CENPU: variants seen among roughly 807,000 people sequenced by gnomAD.
CENPU encodes KSHV latent nuclear antigen interacting protein 1.
In CENPU, 46 loss-of-function variants were observed where a neutral mutation model predicts 56.7. The ratio of observed to expected loss-of-function variants is 0.81; its 90% confidence interval spans 0.64 to 1.04. The LOEUF is 1.04. Ranked by LOEUF, CENPU falls within the 50% of genes least tolerant of loss-of-function variation. CENPU has a pLI of 0.00. For synonymous variants in CENPU, 166 were observed against 163.0 expected (o/e 1.02, Z -0.14); for missense variants, 510 against 490.1 (o/e 1.04, Z -0.38).
chr4:184,699,821 C>T (rs769030470), intron 11 of CENPU, among the ~76,000 whole-genome samples: 33 of 152,078 alleles, frequency 2.2e-4, no homozygotes, highest in African/African-American at 6.5e-4. Flanking sequence ...CCACCACACC[C>T]GGCTAATTTT....
At chr4:184,699,260 G>A (rs1451549101) in intron 11 of CENPU, among the ~76,000 whole-genome samples, 2 of 152,104 alleles carry the variant, frequency 1.3e-5, no homozygotes, top group African/African-American at 4.8e-5. Context: ...AACCCGGGAG[G>A]CGGAGCTTGC....
At chr4:184,696,369 T>G (rs1760309275) in intron 12 of CENPU, among the ~76,000 whole-genome samples, 1 of 152,126 alleles carries the variant, frequency 6.6e-6, no homozygotes, top group African/African-American at 2.4e-5. Flanking sequence ...GGCATTGAGC[T>G]CACTCTAAGA....
At chr4:184,720,385 T>G (rs1182895600) in intron 4 of CENPU, among the ~76,000 whole-genome samples, 1 of 151,664 alleles carries the variant, frequency 6.6e-6, no homozygotes, top group African/African-American at 2.4e-5. Flanking sequence ...GCCTACAGGG[T>G]CTAGAAAAAA....
intron 4 of CENPU, among the ~76,000 whole-genome samples, chr4:184,718,341 T>C (rs974690939): frequency 1.3e-5 from 2 of 152,224 alleles, no homozygotes; most frequent in Non-Finnish European, 2.9e-5. Context: ...CTCTGCCCAA[T>C]CCTGCTTCTT....
intron 6 of CENPU, among the ~76,000 whole-genome samples, chr4:184,715,254 T>A (rs932840684): frequency 6.6e-6 from 1 of 152,188 alleles, no homozygotes; most frequent in African/African-American, 2.4e-5. Context: ...CCAAATGAAT[T>A]AATCACATAT....
At chr4:184,730,795 AAC>A (rs1452298119) in intron 2 of CENPU, 123 bp downstream of exon 2, 2 of 614,592 alleles carry the variant, frequency 3.3e-6, no homozygotes, top group African/African-American at 3.9e-5. Context: ...GAGGAAAATG[AAC>A]ACACTTTTTC....
chr4:184,712,035 C>T (rs1288034928), intron 7 of CENPU, among the ~76,000 whole-genome samples: 3 of 148,758 alleles, frequency 2.0e-5, no homozygotes, highest in Admixed American at 1.4e-4. Flanking sequence ...GCAGGCGATT[C>T]GCTTGAACCT....
chr4:184,733,958 G>T, intron 1 of CENPU, 58 bp downstream of exon 1: 1 of 1,606,516 alleles, frequency 6.2e-7, no homozygotes, highest in Non-Finnish European at 8.5e-7. Context: ...CACGGCAGGC[G>T]AGGAAGCAGT....
rs772787146 is a variant in CENPU, at chr4:184,710,194, ATAAGT to A, written c.689-19_689-15del. The A allele has an allele frequency of 2.6e-5, 40 of 1,525,392 alleles. No homozygotes were observed. Among genetic ancestry groups the A allele is most frequent in the African/African-American group, 6.9e-5 (5 of 72,890 alleles). The allele number at this position is 1,525,392 out of a possible 1,614,324, so 94.5% of individuals were successfully genotyped here. The stretch of plus-strand genomic sequence containing the variant: ...TGTCAGAAGTATCTAAAATATTAAG[ATAAGT>A]TAACATGCTGGTTATTCATATTTTG... On this transcript the variant is annotated splice_polypyrimidine_tract_variant and intron_variant, in intron 7 of 12. Transcript: ENST00000281453.
intron 1 of CENPU, among the ~76,000 whole-genome samples, chr4:184,733,795 TCCCA>T (rs963895430): frequency 4.6e-5 from 7 of 152,158 alleles, no homozygotes; most frequent in African/African-American, 1.7e-4. Flanking sequence ...CTGACGTCTC[TCCCA>T]CCCGCCAGGC....
rs1760215788 is a variant in CENPU at position 184,695,219 on chromosome 4, G to C, written c.*69C>G. ...CTTTGCAAAACAATTGATTTATAAA[G>C]GTACAGTTTCAGAAGGTAACAGCAT... On this transcript the variant is annotated 3_prime_UTR_variant, in exon 13 of 13. Transcript: ENST00000281453. 1 of 1,012,320 alleles carries C rather than the reference G, an allele frequency of 9.9e-7. No homozygotes were observed. Among genetic ancestry groups the C allele is most frequent in the Non-Finnish European group, 1.5e-6 (1 of 646,414 alleles). The allele number at this position is 1,012,320 out of a possible 1,614,324, so 62.7% of individuals were successfully genotyped here.
chr4:184,716,114 T>A (rs958529590), intron 6 of CENPU, among the ~76,000 whole-genome samples: 1 of 151,834 alleles, frequency 6.6e-6, no homozygotes, highest in Non-Finnish European at 1.5e-5. Context: ...TGTACTTTAT[T>A]AGTAGAAATG....
Position 184,716,481 on chromosome 4 carries a change from A to G in CENPU, c.534T>C (p.Ala178=), listed in dbSNP as rs1285153730. The stretch of plus-strand genomic sequence containing the variant: ...CTGTCTTTTTAGAAGTGACAGACTC[A>G]GCTGGTTTCTCTGAAAGTTCTGAAG... The part of the protein sequence containing the change: ...TASSELSEKP[A]ESVTSKKTGP... The change falls in exon 6 of 13, where the codon GCT becomes GCC. Residue 178 remains alanine, a synonymous_variant. Coordinates refer to ENST00000281453, the MANE Select transcript of CENPU (RefSeq NM_024629.4). 7 of 1,614,082 alleles carry G rather than the reference A, an allele frequency of 4.3e-6. No individual in the cohort carries two copies. Among genetic ancestry groups the G allele is most frequent in the Non-Finnish European group, 8.5e-7 (1 of 1,180,028 alleles).
chr4:184,716,712 T>C (rs1761106461), intron 5 of CENPU, 79 bp from the exon 6 acceptor site: 1 of 1,082,064 alleles, frequency 9.2e-7, no homozygotes. Context: ...TAGAAAACCA[T>C]ATATATAGTC....
chr4:184,702,460 A>G lies in CENPU; in HGVS notation c.798-19T>C. On this transcript the variant is annotated intron_variant, in intron 8 of 12. Coordinates refer to ENST00000281453, the MANE Select transcript of CENPU (RefSeq NM_024629.4). ...TCTTTGTCTGTAGAGGAATTAAAAA[A>G]AAGTCTAAGTACCATGATGGATTTT... The G allele has an allele frequency of 6.3e-7, 1 of 1,577,582 alleles. No homozygotes were observed. Among genetic ancestry groups the G allele is most frequent in the Non-Finnish European group, 8.6e-7 (1 of 1,157,248 alleles).
intron 4 of CENPU, among the ~76,000 whole-genome samples, chr4:184,723,373 G>A (rs1377411432): frequency 6.6e-6 from 1 of 152,156 alleles, no homozygotes; most frequent in African/African-American, 2.4e-5. Flanking sequence ...TCGGGTTCTA[G>A]GAGCTAGATG....
rs145274598 is a variant in CENPU, at chr4:184,699,055, C to T, written c.987-1252G>A. ...TTTAAAACACGTCTCAGGCTGGGCG[C>T]GGTGGCTCACACCTGTAATCCCAGC... On this transcript the variant is annotated intron_variant, in intron 11 of 12. Coordinates refer to ENST00000281453, the MANE Select transcript of CENPU (RefSeq NM_024629.4). Among the ~76,000 whole-genome samples the T allele has an allele frequency of 2.1e-3, 313 of 152,090 alleles. 7 individuals carry two copies. In the East Asian group the frequency reaches 0.053, roughly 26 times the overall value.
chr4:184,729,856 A>C (rs1352419154), intron 2 of CENPU, among the ~76,000 whole-genome samples: 3 of 152,226 alleles, frequency 2.0e-5, no homozygotes, highest in Non-Finnish European at 2.9e-5. Context: ...AATGAGAAAA[A>C]CTTTCATGGT....
At chr4:184,732,183 TATGTGTGG>T (rs1460112048) in intron 1 of CENPU, among the ~76,000 whole-genome samples, 1 of 152,152 alleles carries the variant, frequency 6.6e-6, no homozygotes, top group Non-Finnish European at 1.5e-5. Context: ...CCTTTTGTTT[TATGTGTGG>T]ATGTGTGCAC....
Sources: allele counts gnomAD v4.1 joint callset (sites outside exome capture counted in the v4.1 genomes callset), GRCh38; gene constraint gnomAD v4.1.1; transcripts MANE v1.5; gene names NCBI Gene and HGNC (gene_info 2026-07-23, HGNC 2026-07-21).